The following SPINK9 variants were observed in gnomAD, a reference collection of about 807,000 sequenced individuals.
SPINK9 encodes the protein serine protease inhibitor Kazal-type 9.
In SPINK9, 3 loss-of-function variants were observed where a neutral mutation model predicts 10.8. That is an observed-to-expected ratio of 0.28 (90% confidence interval 0.13 to 0.72). The LOEUF is 0.72. Among genes scored for constraint, SPINK9 ranks in the 30% least tolerant of loss-of-function variants. SPINK9 has a pLI of 0.74. For synonymous variants in SPINK9, 30 were observed against 31.2 expected (o/e 0.96, Z 0.12); for missense variants, 101 against 103.2 (o/e 0.98, Z 0.09).
Position 148,339,780 on chromosome 5 carries a change from A to G in SPINK9, c.*68A>G. 1.5e-6 allele frequency: 2 copies of G among 1,327,176 alleles called. No homozygotes were observed. Among genetic ancestry groups the G allele is most frequent in the South Asian group, 2.4e-5 (2 of 84,366 alleles). The allele number at this position is 1,327,176 out of a possible 1,614,324, so 82.2% of individuals were successfully genotyped here. A position where few individuals can be genotyped will look rare whatever the true frequency, so the allele number is the denominator to read the frequency against. On this transcript the variant is annotated 3_prime_UTR_variant, in exon 4 of 4. Transcript: ENST00000377906. The stretch of plus-strand genomic sequence containing the variant: ...ACAAGAGTCACATTTCTGTTCCCAT[A>G]TTATCTATGCCACATTGCCTACTCA...
chr5:148,331,192 T>A (rs1466209899), upstream of SPINK9, among the ~76,000 whole-genome samples: 1 of 152,246 alleles, frequency 6.6e-6, no homozygotes, highest in African/African-American at 2.4e-5. Context: ...TGCTGGTAGA[T>A]GTAGACTGGA....
At chr5:148,325,277 G>C (rs1273104199) in intron 2 of SPINK9, among the ~76,000 whole-genome samples, 10 of 151,996 alleles carry the variant, frequency 6.6e-5, no homozygotes, top group Non-Finnish European at 1.2e-4. Context: ...CAATAATCTT[G>C]AATAAATACC....
At chr5:148,328,457 A>C (rs992490683) in intron 2 of SPINK9, among the ~76,000 whole-genome samples, 33 of 152,210 alleles carry the variant, frequency 2.2e-4, no homozygotes, top group Admixed American at 6.5e-5. Flanking sequence ...GACAGGGACA[A>C]TTTGACTTCC....
Position 148,338,551 on chromosome 5 carries a change from G to A in SPINK9, c.161G>A (p.Cys54Tyr), listed in dbSNP as rs1757247938. The A allele has an allele frequency of 1.9e-6, 3 of 1,607,534 alleles. No homozygotes were observed. In the African/African-American group the frequency reaches 4.0e-5, roughly 21 times the overall value. ...RFCHHMYDPI[C>Y]GSDGKTYKND... The stretch of plus-strand genomic sequence containing the variant: ...TGTCATCATATGTATGATCCAATTT[G>A]TGGATCTGATGGCAAAACTTATAAA... Residue 54 changes from cysteine to tyrosine, a missense_variant, in exon 3 of 4, where the codon TGT becomes TAT. Coordinates refer to ENST00000377906, the MANE Select transcript of SPINK9 (RefSeq NM_001040433.2).
At chr5:148,322,313 T>C (rs2113407690) in intron 1 of SPINK9, among the ~76,000 whole-genome samples, 1 of 152,266 alleles carries the variant, frequency 6.6e-6, no homozygotes, top group African/African-American at 2.4e-5. Flanking sequence ...ATAGAAAAAC[T>C]TATGTCAATC....
intron 1 of SPINK9, 46 bp from the exon 2 acceptor site, chr5:148,336,376 G>A (rs1561768810): frequency 2.5e-6 from 4 of 1,595,908 alleles, no homozygotes; most frequent in Non-Finnish European, 3.4e-6. Context: ...AGTAAGATTA[G>A]GTTCTTCCAG....
chr5:148,322,845 ACACC>A (rs1249328980), intron 1 of SPINK9, among the ~76,000 whole-genome samples: 1 of 152,136 alleles, frequency 6.6e-6, no homozygotes, highest in African/African-American at 2.4e-5. Context: ...TCCAAAGTAG[ACACC>A]AGACTGTTGA....
intron 2 of SPINK9, among the ~76,000 whole-genome samples, chr5:148,328,615 T>C (rs1757103210): frequency 6.6e-6 from 1 of 152,196 alleles, no homozygotes; most frequent in Admixed American, 6.5e-5. Flanking sequence ...TTTTTGCCCA[T>C]TCAGTATGAT....
intron 2 of SPINK9, 120 bp downstream of exon 2, chr5:148,336,573 C>A: frequency 1.8e-6 from 2 of 1,140,144 alleles, no homozygotes; most frequent in Admixed American, 2.1e-5. Context: ...TGTATGAAAA[C>A]TGGTTTTATT....
In SPINK9 at chr5:148,336,135, A is replaced by G. The variant is rs12652489; in HGVS notation, c.56-287A>G. 4.5e-3 allele frequency among the ~76,000 whole-genome samples: 679 copies of G among 152,238 alleles called. 33 individuals carry two copies. The East Asian group carries it at 0.1, about 22-fold the overall frequency. On this transcript the variant is annotated intron_variant, in intron 1 of 3. Coordinates refer to ENST00000377906, the MANE Select transcript of SPINK9 (RefSeq NM_001040433.2). ...TGACTCACTTATTTCTTCTGTCTCTACTGAGCTCTGGTTATGAAGTAAAAA... is the reference window on the plus strand; with the variant it reads ...TGACTCACTTATTTCTTCTGTCTCTGCTGAGCTCTGGTTATGAAGTAAAAA...
At chr5:148,323,971 G>A (rs750761726) in intron 2 of SPINK9, 3 of 517,674 alleles carry the variant, frequency 5.8e-6, no homozygotes, top group Non-Finnish European at 1.0e-5. Flanking sequence ...GTATATTGTG[G>A]GAGTCAGATG....
rs1412163785 is a variant in SPINK9 at position 148,338,495 on chromosome 5, T to C, written c.105T>C (p.Tyr35=). 6.2e-7 allele frequency: 1 copy of C among 1,604,344 alleles called. No homozygotes were observed. The highest frequency in any genetic ancestry group is 8.5e-7 in the Non-Finnish European group (1 of 1,176,830). The part of the protein sequence containing the change: ...QTKQMVDCSH[Y]KKLPPGQQRF... ...TTTTTCAGGTTGACTGCAGTCATTATAAAAAGTTACCACCAGGACAACAGA... is the reference window on the plus strand; with the variant it reads ...TTTTTCAGGTTGACTGCAGTCATTACAAAAAGTTACCACCAGGACAACAGA... The change falls in exon 3 of 4, where the codon TAT becomes TAC. Residue 35 remains tyrosine (Y), a synonymous_variant. Coordinates refer to ENST00000377906, the MANE Select transcript of SPINK9 (RefSeq NM_001040433.2).
At chr5:148,325,967 G>T (rs919133699) in intron 2 of SPINK9, among the ~76,000 whole-genome samples, 2 of 152,042 alleles carry the variant, frequency 1.3e-5, no homozygotes, top group African/African-American at 4.8e-5. Context: ...TTTTCGAAAA[G>T]ATTATTCTCC....
At position 148,336,445 on chromosome 5, in the gene SPINK9, A is replaced by C. The variant is rs758799044; in HGVS notation, c.79A>C (p.Lys27Gln). The change falls in exon 2 of 4, where the codon AAA becomes CAA. Residue 27 changes from lysine (K) to glutamine (Q), a missense_variant. By Grantham distance (53) the Lys-to-Gln change is moderately conservative. Transcript: ENST00000377906. ...AGGTATAGAATGTGCCAAACAGACG[A>C]AACAGATGGTCAGTACACCCATCCT... ...MFSIECAKQTKQMVDCSHYKK... is the reference protein window; with the variant it reads ...MFSIECAKQTQQMVDCSHYKK... The C allele has an allele frequency of 1.9e-6, 3 of 1,613,614 alleles. No individual in the cohort carries two copies. The highest frequency in any genetic ancestry group is 2.5e-6 in the Non-Finnish European group (3 of 1,179,648).
At chr5:148,322,953 A>G (rs17705710) in intron 1 of SPINK9, among the ~76,000 whole-genome samples, 2,432 of 152,278 alleles carry the variant, frequency 0.016, 37 homozygotes, top group South Asian at 0.06. Flanking sequence ...TTTGGTCTAC[A>G]ATGGATACAT....
At chr5:148,336,257 G>A (rs6894032) in intron 1 of SPINK9, among the ~76,000 whole-genome samples, 165 bp from the exon 2 acceptor site, 2 of 151,964 alleles carry the variant, frequency 1.3e-5, no homozygotes, top group Admixed American at 6.6e-5. Flanking sequence ...TTAAAGATAC[G>A]TGTGAAGAGC....
chr5:148,325,542 T>A (rs1480000127), intron 2 of SPINK9, among the ~76,000 whole-genome samples: 4 of 152,132 alleles, frequency 2.6e-5, no homozygotes, highest in Non-Finnish European at 5.9e-5. Context: ...TTTCATGTGC[T>A]TATTGACCTT....
At chr5:148,323,403 T>G (rs908288708) in intron 1 of SPINK9, among the ~76,000 whole-genome samples, 2 of 152,184 alleles carry the variant, frequency 1.3e-5, no homozygotes, top group African/African-American at 4.8e-5. Context: ...TGTATATTAT[T>G]AAGAATTATG....
chr5:148,323,032 G>T (rs555642622), intron 1 of SPINK9, among the ~76,000 whole-genome samples: 9 of 151,884 alleles, frequency 5.9e-5, no homozygotes, highest in Admixed American at 4.6e-4. Flanking sequence ...TTTAAAACCC[G>T]CCTATAAGCA....
Sources: gnomAD v4.1 joint callset for allele counts (sites outside exome capture counted in the v4.1 genomes callset) on GRCh38, gnomAD v4.1.1 for gene constraint, MANE v1.5 for transcripts, NCBI Gene and HGNC (gene_info 2026-07-23, HGNC 2026-07-21) for gene names.